The following ERCC6 variants were observed in gnomAD, a reference collection of about 807,000 sequenced individuals.
ERCC6 encodes DNA excision repair protein ERCC-6.
In ERCC6, 116 loss-of-function variants were observed where a neutral mutation model predicts 158.7. That is an observed-to-expected ratio of 0.73 (90% CI 0.63 to 0.85). The LOEUF is 0.85. ERCC6 is among the 40% of genes least tolerant of loss of function. The probability of loss-of-function intolerance (pLI) is 0.00; values close to 1 mark genes in which losing one functional copy is unlikely to be tolerated. For synonymous variants in ERCC6, 678 were observed against 659.3 expected (o/e 1.03, Z -0.43); for missense variants, 1,698 against 1,799.4 (o/e 0.94, Z 1.02).
chr10:49,527,033 C>A (rs1186246589), intron 4 of ERCC6, among the ~76,000 whole-genome samples: 1 of 152,044 alleles, frequency 6.6e-6, no homozygotes, highest in Non-Finnish European at 1.5e-5. Flanking sequence ...AGTCAGAGGG[C>A]TAAAAAGAAA....
chr10:49,446,379 T>C, the ERCC6 span, among the ~76,000 whole-genome samples: 1 of 151,872 alleles, frequency 6.6e-6, no homozygotes, highest in African/African-American at 2.4e-5. Flanking sequence ...AAAATTATTA[T>C]AGCCACAAGA....
chr10:49,527,108 G>C (rs1837358553), intron 4 of ERCC6, among the ~76,000 whole-genome samples: 1 of 152,164 alleles, frequency 6.6e-6, no homozygotes, highest in Non-Finnish European at 1.5e-5. Context: ...AGGCAGAGTG[G>C]AACAAGGATA....
intron 4 of ERCC6, 73 bp downstream of exon 4, chr10:49,528,344 A>T: frequency 6.4e-7 from 1 of 1,556,276 alleles, no homozygotes; most frequent in South Asian, 1.1e-5. Flanking sequence ...AAGACTAAAG[A>T]GACACCCTCC....
Position 49,532,781 on chromosome 10 carries a change from C to T in ERCC6, c.184G>A (p.Ala62Thr), listed in dbSNP as rs186839348. 32 of 1,614,222 alleles carry T rather than the reference C, an allele frequency of 2.0e-5. No individual in the cohort carries two copies. Among genetic ancestry groups the T allele is most frequent in the Middle Eastern group, 1.6e-4 (1 of 6,062 alleles). Residue 62 changes from alanine (A) to threonine (T), a missense_variant, in exon 2 of 21, where the codon GCA (alanine) becomes ACA (threonine). Coordinates refer to ENST00000355832, the MANE Select transcript of ERCC6 (RefSeq NM_000124.4). ...GGCCCTCTCCTCGGAGCTGCTGATG[C>T]GCACCCCACAGCAGAGGTGGACAGC... The part of the protein sequence containing the change: ...DGLSTSAVGC[A>T]SAAPRRGPAL...
downstream of ERCC6, among the ~76,000 whole-genome samples, chr10:49,450,369 G>T (rs1289372951): frequency 6.6e-6 from 1 of 152,128 alleles, no homozygotes; most frequent in Non-Finnish European, 1.5e-5. Context: ...AATGATCTAT[G>T]TCTACCCTTG....
rs933049982 is a variant in ERCC6 at position 49,493,257 on chromosome 10, A to C, written c.1686-5T>G. 1 of 1,614,026 alleles carries C rather than the reference A, an allele frequency of 6.2e-7. No individual in the cohort carries two copies. The highest frequency in any genetic ancestry group is 1.3e-5 in the African/African-American group (1 of 74,940). ...GTTGGACCCAACCCCTCAAACCTGC[A>C]TCCAAACGTCCAAGAAGAAAACAAC... On this transcript the variant is annotated splice_polypyrimidine_tract_variant and splice_region_variant and intron_variant, in intron 7 of 20. Transcript: ENST00000355832.
In ERCC6 at chr10:49,459,205, A is replaced by T; in HGVS notation, c.4092T>A (p.Asp1364Glu). Residue 1364 changes from aspartate to glutamate, a missense_variant, in exon 21 of 21, where the codon GAT (aspartate) becomes GAA (glutamate). Physicochemically the swap from Asp to Glu is conservative, Grantham distance 45. Transcript: ENST00000355832. ...TTCCACTAAAATGCTCAGGGACATT[A>T]TCTTTTCCCTCCTTTTTCATGATGC... ...QDGIMKKEGK[D>E]NVPEHFSGRA... is the part of the protein sequence containing the mutation. The T allele has an allele frequency of 6.2e-7, 1 of 1,614,226 alleles. No individual in the cohort carries two copies. Among genetic ancestry groups the T allele is most frequent in the African/African-American group, 1.3e-5 (1 of 75,050 alleles).
intron 16 of ERCC6, among the ~76,000 whole-genome samples, chr10:49,472,015 T>A (rs1219463372): frequency 6.6e-6 from 1 of 152,242 alleles, no homozygotes; most frequent in Non-Finnish European, 1.5e-5. Context: ...TAATGTGGTA[T>A]GTAAACACCA....
At position 49,470,819 on chromosome 10, in the gene ERCC6, G is replaced by C; in HGVS notation, c.3141C>G (p.Asp1047Glu). ...ACTTCTTGCGTTTTGGAACATCATGGTCTGCTCCAAAGGCTGGTTGAATCC... is the reference window on the plus strand; with the variant it reads ...ACTTCTTGCGTTTTGGAACATCATGCTCTGCTCCAAAGGCTGGTTGAATCC... ...KRRIQPAFGA[D>E]HDVPKRKKFP... Residue 1047 changes from aspartate to glutamate, a missense_variant, in exon 18 of 21, where the codon GAC becomes GAG. Transcript: ENST00000355832. The C allele has an allele frequency of 6.2e-7, 1 of 1,614,152 alleles. No individual in the cohort carries two copies. Among genetic ancestry groups the C allele is most frequent in the South Asian group, 1.1e-5 (1 of 91,084 alleles).
intron 5 of ERCC6, chr10:49,515,377 C>T (rs776161737): frequency 3.1e-6 from 5 of 1,613,814 alleles, no homozygotes; most frequent in Non-Finnish European, 4.2e-6. Context: ...TGTAAGGCAA[C>T]ATCACATTTT....
chr10:49,515,112 T>C (rs1370190380), intron 5 of ERCC6: 7 of 1,073,996 alleles, frequency 6.5e-6, no homozygotes, highest in Non-Finnish European at 8.5e-6. Flanking sequence ...AAAACATCTT[T>C]AACCCATTTA....
chr10:49,529,894 A>C (rs1837429244), intron 3 of ERCC6, among the ~76,000 whole-genome samples: 1 of 152,176 alleles, frequency 6.6e-6, no homozygotes, highest in Non-Finnish European at 1.5e-5. Flanking sequence ...AAAAGTTTCA[A>C]ACTTCATAAA....
At chr10:49,445,049 T>C in the ERCC6 span, among the ~76,000 whole-genome samples, 9 of 152,156 alleles carry the variant, frequency 5.9e-5, no homozygotes, top group Admixed American at 1.3e-4. Context: ...AAAAAAACAC[T>C]AAATATACTA....
chr10:49,473,395 G>T, intron 14 of ERCC6, 82 bp downstream of exon 14: 1 of 953,540 alleles, frequency 1.0e-6, no homozygotes, highest in Non-Finnish European at 1.7e-6. Context: ...CTGCTTTGGT[G>T]GGTAAGGGTG....
At chr10:49,498,194 T>C (rs1851298400) in intron 7 of ERCC6, among the ~76,000 whole-genome samples, 1 of 152,152 alleles carries the variant, frequency 6.6e-6, no homozygotes, top group Non-Finnish European at 1.5e-5. Context: ...AAATCAAACT[T>C]CTTTTACCAT....
At chr10:49,464,502 C>T (rs377278906) in intron 18 of ERCC6, among the ~76,000 whole-genome samples, 8 of 152,346 alleles carry the variant, frequency 5.3e-5, no homozygotes, top group African/African-American at 1.2e-4. Flanking sequence ...CATTACGTAA[C>T]GAGGAGCCAA....
At position 49,513,238 on chromosome 10, in the gene ERCC6, A is replaced by G. The variant is rs190612981; in HGVS notation, c.1398-7226T>C. On this transcript the variant is annotated intron_variant, in intron 5 of 20. Coordinates refer to ENST00000355832, the MANE Select transcript of ERCC6 (RefSeq NM_000124.4). Reference sequence around the variant, plus strand: ...TCGGCTAGGCTCTGGCACTCACTCCATGGCCCGTGGTGTCTAACCCCTATG... The same window carrying G: ...TCGGCTAGGCTCTGGCACTCACTCCGTGGCCCGTGGTGTCTAACCCCTATG... Among the ~76,000 whole-genome samples, 809 of 152,308 alleles carry G rather than the reference A, an allele frequency of 5.3e-3. 6 individuals carry two copies. Among genetic ancestry groups the G allele is most frequent in the Non-Finnish European group, 7.9e-3 (535 of 68,028 alleles).
chr10:49,481,286 T>G (rs1850974607), intron 10 of ERCC6, among the ~76,000 whole-genome samples: 1 of 152,216 alleles, frequency 6.6e-6, no homozygotes, highest in South Asian at 2.1e-4. Flanking sequence ...GTTTGTTCTT[T>G]TAAAATTCTT....
intron 10 of ERCC6, among the ~76,000 whole-genome samples, chr10:49,480,375 T>C (rs953333912): frequency 1.3e-5 from 2 of 152,230 alleles, no homozygotes; most frequent in East Asian, 1.9e-4. Context: ...TTCTGGTTTC[T>C]AGCCCCTGCC....
Sources: allele counts gnomAD v4.1 joint callset (sites outside exome capture counted in the v4.1 genomes callset), GRCh38; gene constraint gnomAD v4.1.1; transcripts MANE v1.5; gene names NCBI Gene and HGNC (gene_info 2026-07-23, HGNC 2026-07-21).